The following ZNF277 variants were observed in gnomAD, a reference collection of about 807,000 sequenced individuals.
ZNF277 encodes the protein zinc finger protein 277, also known as nuclear receptor-interacting factor 4.
Under a neutral mutation model 60.7 loss-of-function variants are expected in ZNF277, and 55 were observed. The observed-to-expected ratio is 0.91, with a 90% CI of 0.73 to 1.13. The LOEUF is 1.13. Ranked by LOEUF, ZNF277 falls within the 50% of genes most tolerant of loss-of-function variation. The pLI is 0.00. For synonymous variants in ZNF277, 178 were observed against 179.3 expected, an observed-to-expected ratio of 0.99 and a Z score of 0.06; for missense variants, 510 against 523.0, an observed-to-expected ratio of 0.98 and a Z score of 0.24.
intron 1 of ZNF277, among the ~76,000 whole-genome samples, chr7:112,266,544 A>G (rs1293674390): frequency 6.6e-6 from 1 of 151,826 alleles, no homozygotes; most frequent in African/African-American, 2.4e-5. Context: ...TCAAATATCA[A>G]AAAATGAAGA....
intron 1 of ZNF277, among the ~76,000 whole-genome samples, chr7:112,211,397 C>G (rs963226763): frequency 1.3e-5 from 2 of 152,230 alleles, no homozygotes; most frequent in Non-Finnish European, 2.9e-5. Context: ...AATTCCATTA[C>G]TAACCCTCAC....
At chr7:112,245,705 TCTC>T (rs1791067409) in intron 1 of ZNF277, among the ~76,000 whole-genome samples, 1 of 152,158 alleles carries the variant, frequency 6.6e-6, no homozygotes, top group African/African-American at 2.4e-5. Context: ...TACATGGTGT[TCTC>T]CTTTATGTGT....
intron 1 of ZNF277, among the ~76,000 whole-genome samples, chr7:112,277,296 A>G (rs1455004942): frequency 6.6e-6 from 1 of 151,908 alleles, no homozygotes; most frequent in Non-Finnish European, 1.5e-5. Context: ...GTTAGCCAAG[A>G]TGGTCTCGAT....
At position 112,259,740 on chromosome 7, in the gene ZNF277, T is replaced by A. The variant is rs1791400576; in HGVS notation, c.92-27133T>A. On this transcript the variant is annotated intron_variant, in intron 1 of 11. Transcript: ENST00000361822. ...GAAAAGTTATAAATGTGTTAATGCA[T>A]GCACAAAAGTAACAGCTCATACAAA... Among the ~76,000 whole-genome samples the A allele has an allele frequency of 2.0e-5, 3 of 152,212 alleles. No homozygotes were observed. In the South Asian group the frequency reaches 6.2e-4, roughly 31 times the overall value.
intron 1 of ZNF277, among the ~76,000 whole-genome samples, chr7:112,253,490 A>C (rs1791241097): frequency 6.6e-6 from 1 of 152,092 alleles, no homozygotes; most frequent in South Asian, 2.1e-4. Context: ...GACTCTTCTT[A>C]ATTTCATTAT....
rs201456419 is a variant in ZNF277 at position 112,330,103 on chromosome 7, G to A, written c.688G>A (p.Glu230Lys). ...KLDNLQCLYCEKTFRDKNTLK... is the reference protein window; with the variant it reads ...KLDNLQCLYCKKTFRDKNTLK... ...TTGTAGTTTGCAGTGCTTGTACTGT[G>A]AGAAGACCTTCAGGGACAAAAATAC... The change falls in exon 7 of 12, where the codon GAG becomes AAG. Residue 230 changes from glutamate to lysine, a missense_variant. Glu to Lys is a moderately conservative substitution (Grantham distance 56). Transcript: ENST00000361822. 9.3e-6 allele frequency: 15 copies of A among 1,613,356 alleles called. No individual in the cohort carries two copies. Among genetic ancestry groups the A allele is most frequent in the Non-Finnish European group, 1.3e-5 (15 of 1,179,764 alleles).
At chr7:112,333,307 C>T (rs944208360) in intron 7 of ZNF277, among the ~76,000 whole-genome samples, 1 of 152,074 alleles carries the variant, frequency 6.6e-6, no homozygotes, top group African/African-American at 2.4e-5. Context: ...ATTTGAGTGC[C>T]TTCCAGGTAC....
intron 1 of ZNF277, among the ~76,000 whole-genome samples, chr7:112,269,209 T>TA (rs1791613112): frequency 3.6e-5 from 2 of 56,308 alleles, no homozygotes; most frequent in Admixed American, 3.9e-4. Flanking sequence ...GGATTTTTTT[T>TA]GTTTTTTTTT....
intron 1 of ZNF277, among the ~76,000 whole-genome samples, chr7:112,246,372 G>A (rs1481801269): frequency 2.6e-5 from 4 of 152,046 alleles, no homozygotes; most frequent in Non-Finnish European, 5.9e-5. Context: ...CCAGCCTCGC[G>A]ACAGAGCAAG....
chr7:112,237,317 C>T (rs745813237), intron 1 of ZNF277, among the ~76,000 whole-genome samples: 21 of 151,538 alleles, frequency 1.4e-4, no homozygotes, highest in Non-Finnish European at 2.7e-4. Flanking sequence ...AAAGGAACCA[C>T]AAAAACAAGA....
chr7:112,295,969 T>G lies in ZNF277; in HGVS notation c.382+12T>G, dbSNP rs776920243. 1.0e-5 allele frequency: 16 copies of G among 1,579,006 alleles called. No individual in the cohort carries two copies. The South Asian group carries it at 1.6e-4, about 15-fold the overall frequency. On this transcript the variant is annotated intron_variant, in intron 3 of 11. Transcript: ENST00000361822. ...CACTGCTCCATTTGGTAAGTGTACA[T>G]CTTGGCTACCATCTTTTCCCTACAG...
At chr7:112,325,178 A>G (rs1440674360) in intron 5 of ZNF277, among the ~76,000 whole-genome samples, 1 of 152,194 alleles carries the variant, frequency 6.6e-6, no homozygotes, top group Non-Finnish European at 1.5e-5. Flanking sequence ...TGCCAGTTCC[A>G]TCTGTACCTG....
At chr7:112,304,393 A>G (rs1275518957) in intron 4 of ZNF277, among the ~76,000 whole-genome samples, 1 of 152,152 alleles carries the variant, frequency 6.6e-6, no homozygotes, top group Non-Finnish European at 1.5e-5. Flanking sequence ...TTGACACTTA[A>G]AAGAGAATTT....
chr7:112,296,931 T>TTTTTTTTTTTTTTTTTA (rs1792365597), intron 4 of ZNF277, among the ~76,000 whole-genome samples: 1 of 84,072 alleles, frequency 1.2e-5, no homozygotes, highest in Non-Finnish European at 2.6e-5. Flanking sequence ...TTTTTTTTTT[T>TTTTTTTTTTTTTTTTTA]TTTTTTTTTT....
chr7:112,306,212 C>CT (rs555931160), intron 4 of ZNF277, among the ~76,000 whole-genome samples: 1,795 of 116,884 alleles, frequency 0.015, 38 homozygotes, highest in Non-Finnish European at 0.022. Flanking sequence ...TCTGAATGTT[C>CT]TTTTTTTTTT....
At chr7:112,283,474 GA>G (rs1791993811) in intron 1 of ZNF277, among the ~76,000 whole-genome samples, 1 of 152,196 alleles carries the variant, frequency 6.6e-6, no homozygotes, top group African/African-American at 2.4e-5. Context: ...AGTGAGCTGA[GA>G]TTGTGCCCCT....
chr7:112,321,513 G>T (rs1034020897), intron 5 of ZNF277, among the ~76,000 whole-genome samples: 6 of 151,982 alleles, frequency 3.9e-5, no homozygotes, highest in Admixed American at 2.6e-4. Flanking sequence ...ATAAAAATGC[G>T]ATTATACTGT....
At chr7:112,335,635 G>C (rs982632552) in intron 7 of ZNF277, among the ~76,000 whole-genome samples, 2 of 152,096 alleles carry the variant, frequency 1.3e-5, no homozygotes, top group African/African-American at 4.8e-5. Context: ...TTGACCTCAA[G>C]TGTATTTTTT....
intron 5 of ZNF277, among the ~76,000 whole-genome samples, chr7:112,323,183 T>C (rs1001659298): frequency 6.6e-6 from 1 of 152,234 alleles, no homozygotes; most frequent in Non-Finnish European, 1.5e-5. Flanking sequence ...CACAGGTTTT[T>C]CTGGGGCTTA....
Sources: allele counts gnomAD v4.1 joint callset (sites outside exome capture counted in the v4.1 genomes callset), GRCh38; gene constraint gnomAD v4.1.1; transcripts MANE v1.5; gene names NCBI Gene and HGNC (gene_info 2026-07-23, HGNC 2026-07-21).